The following DUSP7 variants were observed in gnomAD, a reference collection of about 807,000 sequenced individuals.
The protein encoded by DUSP7 is dual specificity phosphatase 7, also known as dual specificity protein phosphatase 7.
A neutral mutation model predicts 29.8 loss-of-function variants in DUSP7; 7 were observed. The ratio of observed to expected loss-of-function variants is 0.24; its 90% CI spans 0.13 to 0.44. DUSP7 has a LOEUF of 0.44. Ranked by LOEUF, DUSP7 falls within the 20% of genes least tolerant of loss-of-function variation. The probability of loss-of-function intolerance (pLI) is 1.00; values close to 1 mark genes in which losing one functional copy is unlikely to be tolerated. For missense variants in DUSP7, 400 were observed against 583.7 expected (o/e 0.69, Z 3.24); for synonymous variants, 287 against 275.4 (o/e 1.04, Z -0.42).
At position 52,055,858 on chromosome 3, in the gene DUSP7, T is replaced by A. The variant is rs769580026; in HGVS notation, c.509A>T (p.Tyr170Phe). The change falls in exon 1 of 3, where the codon TAC becomes TTC. Residue 170 changes from tyrosine to phenylalanine, a missense_variant. Physicochemically the swap from Tyr to Phe is conservative, Grantham distance 22. Coordinates refer to ENST00000495880, the MANE Select transcript of DUSP7 (RefSeq NM_001947.4). Reference protein sequence around the residue: ...KLRDDGCQAYYLQGGFNKFQT... With the variant: ...KLRDDGCQAYFLQGGFNKFQT... ...CTCGGTGCCGCCCTCACCTTGGAGG[T>A]AGTAGGCCTGGCAGCCGTCGTCGCG... 16 of 1,558,392 alleles carry A rather than the reference T, an allele frequency of 1.0e-5. No individual in the cohort carries two copies. The South Asian group carries it at 1.9e-4, about 18-fold the overall frequency.
chr3:52,055,090 T>C (rs1701885047), intron 1 of DUSP7, among the ~76,000 whole-genome samples: 1 of 152,064 alleles, frequency 6.6e-6, no homozygotes, highest in African/African-American at 2.4e-5. Flanking sequence ...ACAGGAGAAA[T>C]GGGGAGCCCC....
At position 52,049,046 on chromosome 3, in the gene DUSP7, A is replaced by G. The variant is rs1036081234; in HGVS notation, c.*1769T>C. On this transcript the variant is annotated 3_prime_UTR_variant, in exon 3 of 3. Transcript: ENST00000495880. ...CACAAATCTTCCTTCATAAGATCAT[A>G]AAGCAAAACTGGCCACCTTCTGGCA... is the stretch of plus-strand genomic sequence containing the variant. 2 of 152,232 alleles carry G rather than the reference A, an allele frequency of 1.3e-5. No individual in the cohort carries two copies. Among genetic ancestry groups the G allele is most frequent in the African/African-American group, 4.8e-5 (2 of 41,442 alleles). The allele number at this position is 152,232 out of a possible 1,614,324, so 9.4% of individuals were successfully genotyped here.
Position 52,050,842 on chromosome 3 carries a change from G to C in DUSP7, c.1233C>G (p.Phe411Leu), listed in dbSNP as rs569709174. The change falls in exon 3 of 3, where the codon TTC becomes TTG. Residue 411 changes from phenylalanine (F) to leucine (L), a missense_variant. Phe to Leu is a conservative substitution (Grantham distance 22). Around this residue, in one of 4 missense-constraint regions of DUSP7, gnomAD observed 75 missense variants for 95.0 expected, o/e 0.79. Coordinates refer to ENST00000495880, the MANE Select transcript of DUSP7 (RefSeq NM_001947.4). This position sits in a 1 kb window ranked among gnomAD's most constrained non-coding sequence, Gnocchi z 5.0. ...ACGTGGACTCCAGCGTATTGAGTGG[G>C]AACAGGTTGTGGTTGGTGGGCGTGG... ...YFSTPTNHNL[F>L]PLNTLEST 3 of 1,613,732 alleles carry C rather than the reference G, an allele frequency of 1.9e-6. No individual in the cohort carries two copies. Among genetic ancestry groups the C allele is most frequent in the African/African-American group, 2.7e-5 (2 of 75,056 alleles).
chr3:52,050,699 G>T lies in DUSP7; in HGVS notation c.*116C>A. On this transcript the variant is annotated 3_prime_UTR_variant, in exon 3 of 3. Transcript: ENST00000495880. The surrounding 1 kb of genome is among the most constrained non-coding windows in gnomAD (Gnocchi z 5.0). ...CGACACCGATCAGCCTGGGCCTCTG[G>T]GCACAGGTGACATCTGGGGGTTCCT... 1 of 1,220,656 alleles carries T rather than the reference G, an allele frequency of 8.2e-7. No individual in the cohort carries two copies. The highest frequency in any genetic ancestry group is 1.1e-6 in the Non-Finnish European group (1 of 887,432). 75.6% of individuals were successfully genotyped at this position (1,220,656 alleles called of 1,614,324 possible).
chr3:52,053,879 C>A lies in DUSP7; in HGVS notation c.952+61G>T. 6.3e-7 allele frequency: 1 copy of A among 1,596,364 alleles called. No homozygotes were observed. Among genetic ancestry groups the A allele is most frequent in the South Asian group, 1.1e-5 (1 of 90,580 alleles). ...GGTACCCAGTCAGGCGGGGGCGCCA[C>A]CCAGAGTCCTGCATACACCTTGATG... On this transcript the variant is annotated intron_variant, in intron 2 of 2. Coordinates refer to ENST00000495880, the MANE Select transcript of DUSP7 (RefSeq NM_001947.4). The surrounding 1 kb of genome is among the most constrained non-coding windows in gnomAD (Gnocchi z 4.6).
Position 52,050,655 on chromosome 3 carries a change from A to T in DUSP7, c.*160T>A. 7 of 857,290 alleles carry T rather than the reference A, an allele frequency of 8.2e-6. No homozygotes were observed. The South Asian group carries it at 1.1e-4, about 14-fold the overall frequency. The allele number at this position is 857,290 out of a possible 1,614,324, so 53.1% of individuals were successfully genotyped here. On this transcript the variant is annotated 3_prime_UTR_variant, in exon 3 of 3. Coordinates refer to ENST00000495880, the MANE Select transcript of DUSP7 (RefSeq NM_001947.4). The surrounding 1 kb of genome is among the most constrained non-coding windows in gnomAD (Gnocchi z 5.0). ...ACCTTGCCTGCGGGCCCTGCCCCCA[A>T]GGATGGTGAGGGGCGCTCCGACACC...
rs1223135267 is a variant in DUSP7, at chr3:52,056,462, C to T, written c.-96G>A. ...CCCAGCCGCGTCTCCGGGCGCCCGC[C>T]TCCCGCCGAGCTGCGCGCCCGCCGC... On this transcript the variant is annotated 5_prime_UTR_variant, in exon 1 of 3. Transcript: ENST00000495880. This position sits in a 1 kb window ranked among gnomAD's most constrained non-coding sequence, Gnocchi z 6.4. 3.1e-6 allele frequency: 2 copies of T among 647,906 alleles called. No homozygotes were observed. Among genetic ancestry groups the T allele is most frequent in the Non-Finnish European group, 1.9e-6 (1 of 524,422 alleles). 40.1% of individuals were successfully genotyped at this position (647,906 alleles called of 1,614,324 possible).
At position 52,050,995 on chromosome 3, in the gene DUSP7, A is replaced by C; in HGVS notation, c.1080T>G (p.Phe360Leu). 1 of 1,614,242 alleles carries C rather than the reference A, an allele frequency of 6.2e-7. No homozygotes were observed. Among genetic ancestry groups the C allele is most frequent in the Non-Finnish European group, 8.5e-7 (1 of 1,180,038 alleles). Residue 360 changes from phenylalanine (F) to leucine (L), a missense_variant, in exon 3 of 3, where the codon TTT (phenylalanine) becomes TTG (leucine). Coordinates refer to ENST00000495880, the MANE Select transcript of DUSP7 (RefSeq NM_001947.4). This position sits in a 1 kb window ranked among gnomAD's most constrained non-coding sequence, Gnocchi z 5.0. ...AGATGTTGGACTTTTTCCTCTTGAC[A>C]AAGTCGTAGGCGTCGTTGAGTGACA... is the stretch of plus-strand genomic sequence containing the variant. ...MNLSLNDAYD[F>L]VKRKKSNISP...
chr3:52,056,435 GC>G lies in DUSP7; in HGVS notation c.-70del. The G allele has an allele frequency of 1.2e-6, 1 of 867,854 alleles. No individual in the cohort carries two copies. The highest frequency in any genetic ancestry group is 1.4e-6 in the Non-Finnish European group (1 of 724,914). The allele number at this position is 867,854 out of a possible 1,614,324, so 53.8% of individuals were successfully genotyped here. A position where few individuals can be genotyped will look rare whatever the true frequency, so the allele number is the denominator to read the frequency against. On this transcript the variant is annotated 5_prime_UTR_variant, in exon 1 of 3. Coordinates refer to ENST00000495880, the MANE Select transcript of DUSP7 (RefSeq NM_001947.4). This position sits in a 1 kb window ranked among gnomAD's most constrained non-coding sequence, Gnocchi z 6.4. ...CTGGGACGGCGCCCCGGCCGCGCGGGCCCCAGCCGCGTCTCCGGGCGCCCGC... is the reference window on the plus strand; with the variant it reads ...CTGGGACGGCGCCCCGGCCGCGCGGGCCCAGCCGCGTCTCCGGGCGCCCGC...
Position 52,054,989 on chromosome 3 carries a change from G to A in DUSP7, c.518-615C>T, listed in dbSNP as rs1412751983. Reference sequence around the variant, plus strand: ...GGGCAGGTTTTTGAAGGGGGTCCTGGCTCCACTTCTCTAGAACCCTCCCTT... The same window carrying A: ...GGGCAGGTTTTTGAAGGGGGTCCTGACTCCACTTCTCTAGAACCCTCCCTT... On this transcript the variant is annotated intron_variant, in intron 1 of 2. Coordinates refer to ENST00000495880, the MANE Select transcript of DUSP7 (RefSeq NM_001947.4). This position sits in a 1 kb window ranked among gnomAD's most constrained non-coding sequence, Gnocchi z 4.1. Among the ~76,000 whole-genome samples the A allele has an allele frequency of 6.6e-6, 1 of 152,166 alleles. No individual in the cohort carries two copies. Among genetic ancestry groups the A allele is most frequent in the Non-Finnish European group, 1.5e-5 (1 of 68,014 alleles).
chr3:52,056,340 T>TG lies in DUSP7; in HGVS notation c.26dup (p.Ala10SerfsTer175), dbSNP rs1411652858. 8.6e-6 allele frequency: 10 copies of TG among 1,156,946 alleles called. No individual in the cohort carries two copies. The South Asian group carries it at 1.2e-4, about 14-fold the overall frequency. The allele number at this position is 1,156,946 out of a possible 1,614,324, so 71.7% of individuals were successfully genotyped here. ...CCGAAGTCGACATGTGCGCCCGCGC[T>TG]GGGGGGCCGCGGAGCTGGTTTTTCA... On this transcript the variant is annotated frameshift_variant, in exon 1 of 3. Transcript: ENST00000495880. LOFTEE classifies it high-confidence loss of function. This position sits in a 1 kb window ranked among gnomAD's most constrained non-coding sequence, Gnocchi z 6.4.
chr3:52,053,875 G>A lies in DUSP7; in HGVS notation c.952+65C>T, dbSNP rs1459591565. The A allele has an allele frequency of 1.0e-5, 16 of 1,579,660 alleles. No individual in the cohort carries two copies. Among genetic ancestry groups the A allele is most frequent in the East Asian group, 4.5e-5 (2 of 44,606 alleles). On this transcript the variant is annotated intron_variant, in intron 2 of 2. Transcript: ENST00000495880. The surrounding 1 kb of genome is among the most constrained non-coding windows in gnomAD (Gnocchi z 4.6). ...CAGAGGTACCCAGTCAGGCGGGGGCGCCACCCAGAGTCCTGCATACACCTT... is the reference window on the plus strand; with the variant it reads ...CAGAGGTACCCAGTCAGGCGGGGGCACCACCCAGAGTCCTGCATACACCTT...
intron 1 of DUSP7, 62 bp downstream of exon 1, chr3:52,055,788 G>C: frequency 3.4e-6 from 5 of 1,465,720 alleles, no homozygotes; most frequent in Non-Finnish European, 4.5e-6. Context: ...CGCCTCCAAG[G>C]GGGGCGTCAG....
rs952205172 is a variant in DUSP7, at chr3:52,054,448, G to A, written c.518-74C>T. The A allele has an allele frequency of 6.1e-6, 8 of 1,320,990 alleles. No homozygotes were observed. In the African/African-American group the frequency reaches 1.0e-4, roughly 17 times the overall value. 81.8% of individuals were successfully genotyped at this position (1,320,990 alleles called of 1,614,324 possible). ...AGATGGGCTGCACAAGACCAGAGAT[G>A]GCCAGGACTCTGCACGCCAAACACC... On this transcript the variant is annotated intron_variant, in intron 1 of 2. Transcript: ENST00000495880. This position sits in a 1 kb window ranked among gnomAD's most constrained non-coding sequence, Gnocchi z 4.1.
rs755774400 is a variant in DUSP7, at chr3:52,051,026, A to G, written c.1049T>C (p.Met350Thr). Residue 350 changes from methionine to threonine, a missense_variant, in exon 3 of 3, where the codon ATG (methionine) becomes ACG (threonine). By Grantham distance (81) the Met-to-Thr change is moderately conservative. Around this residue, in one of 4 missense-constraint regions of DUSP7, gnomAD observed 75 missense variants for 95.0 expected, o/e 0.79. Coordinates refer to ENST00000495880, the MANE Select transcript of DUSP7 (RefSeq NM_001947.4). This position sits in a 1 kb window ranked among gnomAD's most constrained non-coding sequence, Gnocchi z 4.8. ...TVTVAYLMQK[M>T]NLSLNDAYDF... ...GTAGGCGTCGTTGAGTGACAGGTTCATCTTCTGCATCAGATAGGCCACAGT... is the reference window on the plus strand; with the variant it reads ...GTAGGCGTCGTTGAGTGACAGGTTCGTCTTCTGCATCAGATAGGCCACAGT... The G allele has an allele frequency of 1.9e-6, 3 of 1,614,250 alleles. No individual in the cohort carries two copies. Among genetic ancestry groups the G allele is most frequent in the Middle Eastern group, 1.6e-4 (1 of 6,062 alleles).
Position 52,056,303 on chromosome 3 carries a change from C to A in DUSP7, c.64G>T (p.Ala22Ser). ...TCGGACCCCGCCCGGGTGCCCCCAG[C>A]CGCCGCCGCCCCCGAAGTCGACATG... ...AHMSTSGAAA[A>S]GGTRAGSEPG... Residue 22 changes from alanine to serine, a missense_variant, in exon 1 of 3, where the codon GCT (alanine) becomes TCT (serine). Ala to Ser is a moderately conservative substitution (Grantham distance 99, BLOSUM62 1). This residue lies in a region of DUSP7 where 96 missense variants were observed against 97.1 expected (regional missense o/e 0.99). Transcript: ENST00000495880. The surrounding 1 kb of genome is among the most constrained non-coding windows in gnomAD (Gnocchi z 6.4). The A allele has an allele frequency of 3.4e-6, 4 of 1,193,692 alleles. No individual in the cohort carries two copies. The highest frequency in any genetic ancestry group is 4.1e-6 in the Non-Finnish European group (4 of 965,476). 73.9% of individuals were successfully genotyped at this position (1,193,692 alleles called of 1,614,324 possible).
At position 52,051,531 on chromosome 3, in the gene DUSP7, G is replaced by A. The variant is rs530013357; in HGVS notation, c.953-409C>T. 1 of 177,620 alleles carries A rather than the reference G, an allele frequency of 5.6e-6. No homozygotes were observed. The highest frequency in any genetic ancestry group is 1.4e-4 in the South Asian group (1 of 7,068). The allele number at this position is 177,620 out of a possible 1,614,324, so 11.0% of individuals were successfully genotyped here. On this transcript the variant is annotated intron_variant, in intron 2 of 2. Coordinates refer to ENST00000495880, the MANE Select transcript of DUSP7 (RefSeq NM_001947.4). This position sits in a 1 kb window ranked among gnomAD's most constrained non-coding sequence, Gnocchi z 4.8. ...ACGGGTGTCACCTGCATCCTCTTGG[G>A]TCATCTGCACCATGGCCAGTAAGCC...
Position 52,054,982 on chromosome 3 carries a change from G to A in DUSP7, c.518-608C>T, listed in dbSNP as rs887967415. On this transcript the variant is annotated intron_variant, in intron 1 of 2. Coordinates refer to ENST00000495880, the MANE Select transcript of DUSP7 (RefSeq NM_001947.4). This position sits in a 1 kb window ranked among gnomAD's most constrained non-coding sequence, Gnocchi z 4.1. ...CCAGCAGGGGCAGGTTTTTGAAGGG[G>A]GTCCTGGCTCCACTTCTCTAGAACC... 1.3e-5 allele frequency among the ~76,000 whole-genome samples: 2 copies of A among 152,174 alleles called. No homozygotes were observed. The highest frequency in any genetic ancestry group is 4.1e-4 in the South Asian group (2 of 4,830).
rs1380068620 is a variant in DUSP7 at position 52,054,638 on chromosome 3, GC to G, written c.518-265del. On this transcript the variant is annotated intron_variant, in intron 1 of 2. Coordinates refer to ENST00000495880, the MANE Select transcript of DUSP7 (RefSeq NM_001947.4). This position sits in a 1 kb window ranked among gnomAD's most constrained non-coding sequence, Gnocchi z 4.1. ...AAACTGGTACCCATAACACTTCGGGGCCCCCAGCCATGGCACCAGCTTTAGG... is the reference window on the plus strand; with the variant it reads ...AAACTGGTACCCATAACACTTCGGGGCCCCAGCCATGGCACCAGCTTTAGG... Among the ~76,000 whole-genome samples, 1 of 152,178 alleles carries G rather than the reference GC, an allele frequency of 6.6e-6. No homozygotes were observed. Among genetic ancestry groups the G allele is most frequent in the Non-Finnish European group, 1.5e-5 (1 of 68,030 alleles).
Sources: allele counts gnomAD v4.1 joint callset (sites outside exome capture counted in the v4.1 genomes callset), GRCh38; gene constraint gnomAD v4.1.1; regional missense constraint gnomAD v4.1.1; non-coding constraint Gnocchi (gnomAD v3.1); transcripts MANE v1.5; gene names NCBI Gene and HGNC (gene_info 2026-07-23, HGNC 2026-07-21).